The following AKAP19 variants were observed in gnomAD, a reference collection of about 807,000 sequenced individuals.
AKAP19 encodes small A-kinase anchoring protein.
chr2:190,192,452 C>G, the AKAP19 span, among the ~76,000 whole-genome samples: 11 of 145,358 alleles, frequency 7.6e-5, no homozygotes, highest in East Asian at 2.0e-4. Flanking sequence ...AATTCAGAAT[C>G]TGTGTGTGTG....
chr2:190,165,687 G>C, the AKAP19 span, among the ~76,000 whole-genome samples: 2 of 152,200 alleles, frequency 1.3e-5, no homozygotes, highest in Non-Finnish European at 2.9e-5. Context: ...ATATGTCAGA[G>C]AGGAGTTCCA....
the AKAP19 span, among the ~76,000 whole-genome samples, chr2:189,997,681 A>G: frequency 6.6e-6 from 1 of 152,142 alleles, no homozygotes; most frequent in Admixed American, 6.5e-5. Context: ...ACCTTGCCCC[A>G]GGATATAAAC....
the AKAP19 span, among the ~76,000 whole-genome samples, chr2:189,952,327 G>T: frequency 1.3e-5 from 2 of 152,142 alleles, no homozygotes; most frequent in African/African-American, 4.8e-5. Flanking sequence ...CAAGAAAGGG[G>T]CTTATTTCGT....
At chr2:189,887,627 A>G in the AKAP19 span, among the ~76,000 whole-genome samples, 1 of 152,240 alleles carries the variant, frequency 6.6e-6, no homozygotes, top group Non-Finnish European at 1.5e-5. Context: ...CCTCTCCACC[A>G]TCTGTCATTT....
chr2:189,952,406 T>C, the AKAP19 span, among the ~76,000 whole-genome samples: 2 of 152,176 alleles, frequency 1.3e-5, no homozygotes, highest in African/African-American at 4.8e-5. Context: ...CCAGACCTTT[T>C]TGGAACTGAA....
the AKAP19 span, among the ~76,000 whole-genome samples, chr2:190,039,399 T>C: frequency 1.3e-5 from 2 of 152,124 alleles, no homozygotes; most frequent in Non-Finnish European, 1.5e-5. Flanking sequence ...TTCCACATGC[T>C]TCAAATACAT....
At chr2:190,066,059 T>G in the AKAP19 span, among the ~76,000 whole-genome samples, 1 of 152,246 alleles carries the variant, frequency 6.6e-6, no homozygotes, top group East Asian at 1.9e-4. Context: ...CTGGGAGAGC[T>G]GCGTCTATCA....
At chr2:190,032,993 C>T in the AKAP19 span, among the ~76,000 whole-genome samples, 1 of 151,810 alleles carries the variant, frequency 6.6e-6, no homozygotes, top group East Asian at 1.9e-4. Flanking sequence ...AAAATAAATC[C>T]ACTCAACCTT....
At chr2:190,012,130 G>A in the AKAP19 span, among the ~76,000 whole-genome samples, 1 of 151,810 alleles carries the variant, frequency 6.6e-6, no homozygotes, top group African/African-American at 2.4e-5. Context: ...ATAGTTTTCA[G>A]TATACAGATT....
At chr2:189,986,368 CAA>C in the AKAP19 span, among the ~76,000 whole-genome samples, 5,129 of 142,454 alleles carry the variant, frequency 0.036, 278 homozygotes, top group African/African-American at 0.12. Context: ...GATGGGGGAG[CAA>C]AAAAAAAACA....
chr2:190,021,929 C>T, the AKAP19 span, among the ~76,000 whole-genome samples: 11 of 152,244 alleles, frequency 7.2e-5, no homozygotes, highest in African/African-American at 2.6e-4. Flanking sequence ...GGCTGAGGGG[C>T]TGTGTCTAGT....
the AKAP19 span, among the ~76,000 whole-genome samples, chr2:190,180,179 G>A: frequency 3.9e-5 from 6 of 152,264 alleles, no homozygotes; most frequent in Non-Finnish European, 7.3e-5. This position sits in a 1 kb window ranked among gnomAD's most constrained non-coding sequence, Gnocchi z 6.8. Flanking sequence ...TGCAAACGAG[G>A]TGGGAAGGGC....
At chr2:190,197,109 A>G in the AKAP19 span, among the ~76,000 whole-genome samples, 1 of 152,144 alleles carries the variant, frequency 6.6e-6, no homozygotes, top group African/African-American at 2.4e-5. The surrounding 1 kb of genome is among the most constrained non-coding windows in gnomAD (Gnocchi z 4.0). Context: ...TAAAACTCTA[A>G]TATCATCACC....
At chr2:189,888,651 C>G in the AKAP19 span, among the ~76,000 whole-genome samples, 1 of 152,066 alleles carries the variant, frequency 6.6e-6, no homozygotes, top group Non-Finnish European at 1.5e-5. Context: ...TGAAGAGGTC[C>G]TTCACATCCC....
the AKAP19 span, among the ~76,000 whole-genome samples, chr2:190,095,906 G>A: frequency 6.6e-6 from 1 of 152,132 alleles, no homozygotes; most frequent in Admixed American, 6.5e-5. Context: ...AAAGATAGAT[G>A]TAAAGAAAGG....
At chr2:190,156,177 ATATTTGATATTTAATAAAAATGG>A in the AKAP19 span, among the ~76,000 whole-genome samples, 1 of 152,142 alleles carries the variant, frequency 6.6e-6, no homozygotes, top group Non-Finnish European at 1.5e-5. Context: ...GTACATGTGG[ATATTTGATATTTAATAAAAATGG>A]TATTTCAGTT....
chr2:190,115,851 G>C, the AKAP19 span, among the ~76,000 whole-genome samples: 1 of 152,152 alleles, frequency 6.6e-6, no homozygotes, highest in Non-Finnish European at 1.5e-5. Flanking sequence ...GCTAGATCCA[G>C]GCTCTATCCT....
At chr2:190,008,493 T>C in the AKAP19 span, among the ~76,000 whole-genome samples, 1 of 152,202 alleles carries the variant, frequency 6.6e-6, no homozygotes, top group Non-Finnish European at 1.5e-5. Context: ...TTAAAATATC[T>C]TTCTGTCATT....
the AKAP19 span, among the ~76,000 whole-genome samples, chr2:190,196,045 T>G: frequency 1.4e-5 from 2 of 138,090 alleles, no homozygotes; most frequent in African/African-American, 2.7e-5. Flanking sequence ...AGTCTGATCA[T>G]CTCTGCCTTT....
Sources: gnomAD v4.1 joint callset for allele counts (sites outside exome capture counted in the v4.1 genomes callset) on GRCh38, gnomAD v4.1.1 for gene constraint, Gnocchi (gnomAD v3.1) non-coding constraint, MANE v1.5 for transcripts, NCBI Gene and HGNC (gene_info 2026-07-23, HGNC 2026-07-21) for gene names.